The following HMGCLL1 variants were observed in gnomAD, a reference collection of about 807,000 sequenced individuals.
HMGCLL1 encodes 3-hydroxy-3-methylglutaryl-CoA lyase like 1, also known as 3-hydroxymethyl-3-methylglutaryl-CoA lyase, cytoplasmic.
A neutral mutation model predicts 39.1 loss-of-function variants in HMGCLL1; 36 were observed. The observed-to-expected ratio is 0.92, with a 90% CI of 0.71 to 1.22. HMGCLL1 has a LOEUF of 1.22. HMGCLL1 is among the 50% of genes most tolerant of loss of function. HMGCLL1 has a pLI of 0.00. For synonymous variants in HMGCLL1, 149 were observed against 144.0 expected (o/e 1.03, Z -0.25); for missense variants, 451 against 416.5 (o/e 1.08, Z -0.72).
intron 7 of HMGCLL1, among the ~76,000 whole-genome samples, chr6:55,488,039 A>G (rs1418487655): frequency 6.6e-6 from 1 of 152,050 alleles, no homozygotes; most frequent in Admixed American, 6.6e-5. Flanking sequence ...ATACATACAC[A>G]CACACATACA....
chr6:55,650,788 T>C, the HMGCLL1 span, among the ~76,000 whole-genome samples: 1 of 152,044 alleles, frequency 6.6e-6, no homozygotes, highest in African/African-American at 2.4e-5. Context: ...CCCATTTCCA[T>C]AGGCAGAGGA....
chr6:55,676,681 T>G, the HMGCLL1 span, among the ~76,000 whole-genome samples: 1 of 152,246 alleles, frequency 6.6e-6, no homozygotes, highest in East Asian at 1.9e-4. Context: ...TTCATACACT[T>G]TCTTTCAAGA....
intron 1 of HMGCLL1, among the ~76,000 whole-genome samples, chr6:55,549,121 C>T (rs922235890): frequency 3.5e-5 from 5 of 141,436 alleles, no homozygotes; most frequent in African/African-American, 1.3e-4. Flanking sequence ...GAAAAATAGC[C>T]AACATGACCT....
chr6:55,570,301 G>C (rs1455084617), intron 1 of HMGCLL1, among the ~76,000 whole-genome samples: 1 of 152,152 alleles, frequency 6.6e-6, no homozygotes, highest in Non-Finnish European at 1.5e-5. Context: ...TTACTGAACA[G>C]TCCTATTATC....
chr6:55,594,722 G>T, the HMGCLL1 span, among the ~76,000 whole-genome samples: 1 of 152,276 alleles, frequency 6.6e-6, no homozygotes, highest in Non-Finnish European at 1.5e-5. Context: ...GGAGAAGTCT[G>T]TCCTGTTGCC....
chr6:55,522,170 T>C (rs1768074837), intron 3 of HMGCLL1, among the ~76,000 whole-genome samples: 1 of 152,002 alleles, frequency 6.6e-6, no homozygotes, highest in Non-Finnish European at 1.5e-5. Flanking sequence ...TATACTCATA[T>C]ATTTGTATGA....
At chr6:55,488,892 A>G (rs1766176815) in intron 7 of HMGCLL1, among the ~76,000 whole-genome samples, 1 of 152,122 alleles carries the variant, frequency 6.6e-6, no homozygotes, top group African/African-American at 2.4e-5. Flanking sequence ...CTGTTCAACT[A>G]AAAAGCTAAG....
intron 5 of HMGCLL1, among the ~76,000 whole-genome samples, chr6:55,503,129 G>A (rs759117671): frequency 5.9e-5 from 9 of 151,624 alleles, no homozygotes; most frequent in Admixed American, 2.0e-4. Flanking sequence ...CAATCCTATC[G>A]AAAGAATCTG....
At chr6:55,560,234 C>T (rs1381675714) in intron 1 of HMGCLL1, among the ~76,000 whole-genome samples, 3 of 152,088 alleles carry the variant, frequency 2.0e-5, no homozygotes, top group African/African-American at 7.2e-5. Context: ...CAAAGGCCAG[C>T]GTTTTCTTAG....
intron 3 of HMGCLL1, among the ~76,000 whole-genome samples, chr6:55,531,247 T>C (rs1265177776): frequency 6.6e-6 from 1 of 152,178 alleles, no homozygotes; most frequent in Admixed American, 6.5e-5. Flanking sequence ...GTCATATCAA[T>C]GAAATGAGTT....
the HMGCLL1 span, among the ~76,000 whole-genome samples, chr6:55,588,357 G>A: frequency 2.0e-5 from 3 of 151,708 alleles, no homozygotes; most frequent in Non-Finnish European, 4.4e-5. Flanking sequence ...TGAAACCATC[G>A]AGAAAAAAGA....
the HMGCLL1 span, among the ~76,000 whole-genome samples, chr6:55,674,739 C>T: frequency 6.6e-6 from 1 of 152,016 alleles, no homozygotes; most frequent in Non-Finnish European, 1.5e-5. Context: ...AGGAAAAATT[C>T]AGGGCTTAGG....
intron 7 of HMGCLL1, among the ~76,000 whole-genome samples, chr6:55,451,293 C>A (rs1420710700): frequency 6.6e-6 from 1 of 152,002 alleles, no homozygotes; most frequent in Non-Finnish European, 1.5e-5. Flanking sequence ...GAATTAGGCC[C>A]CATAGTTCTT....
At chr6:55,573,616 A>C (rs1771625641) in intron 1 of HMGCLL1, among the ~76,000 whole-genome samples, 2 of 152,126 alleles carry the variant, frequency 1.3e-5, no homozygotes, top group African/African-American at 4.8e-5. Flanking sequence ...TGGAATATAA[A>C]TGAGAAGAAA....
chr6:55,609,304 C>T, the HMGCLL1 span, among the ~76,000 whole-genome samples: 1 of 152,120 alleles, frequency 6.6e-6, no homozygotes, highest in Non-Finnish European at 1.5e-5. Flanking sequence ...GAAAGGGCAG[C>T]AGCCATCACT....
the HMGCLL1 span, among the ~76,000 whole-genome samples, chr6:55,605,804 T>TA: frequency 6.6e-6 from 1 of 152,138 alleles, no homozygotes; most frequent in African/African-American, 2.4e-5. Flanking sequence ...AACTCCTGAG[T>TA]TAGAAATCCA....
the HMGCLL1 span, among the ~76,000 whole-genome samples, chr6:55,621,339 T>C: frequency 6.6e-6 from 1 of 152,086 alleles, no homozygotes; most frequent in Non-Finnish European, 1.5e-5. Flanking sequence ...CCCTGGGCTA[T>C]GGATGGGAGC....
At chr6:55,520,441 T>C (rs1267675649) in intron 3 of HMGCLL1, among the ~76,000 whole-genome samples, 2 of 151,884 alleles carry the variant, frequency 1.3e-5, no homozygotes, top group African/African-American at 4.8e-5. Context: ...GCTCACAATA[T>C]AATGAGGCCA....
intron 7 of HMGCLL1, among the ~76,000 whole-genome samples, chr6:55,452,811 C>G (rs1764160075): frequency 6.6e-6 from 1 of 152,094 alleles, no homozygotes; most frequent in African/African-American, 2.4e-5. Flanking sequence ...TGCTGGGAAA[C>G]AAAGACTAGT....
Sources: gnomAD v4.1 joint callset for allele counts (sites outside exome capture counted in the v4.1 genomes callset) on GRCh38, gnomAD v4.1.1 for gene constraint, MANE v1.5 for transcripts, NCBI Gene and HGNC (gene_info 2026-07-23, HGNC 2026-07-21) for gene names.